Variants in THRAP3 observed in about 807,000 individuals in gnomAD.
THRAP3 encodes the protein thyroid hormone receptor-associated protein 3.
A neutral mutation model predicts 101.0 loss-of-function variants in THRAP3; 16 were observed. The observed-to-expected ratio is 0.16, with a 90% CI of 0.11 to 0.24. THRAP3 has a LOEUF of 0.24. Among genes scored for constraint, THRAP3 ranks in the 10% least tolerant of loss-of-function variants. The probability of loss-of-function intolerance (pLI) is 1.00; values close to 1 mark genes in which losing one functional copy is unlikely to be tolerated. For synonymous variants in THRAP3, 407 were observed against 422.6 expected, an observed-to-expected ratio of 0.96 and a Z score of 0.45; for missense variants, 989 against 1,202.7, an observed-to-expected ratio of 0.82 and a Z score of 2.63.
chr1:36,256,216 ATTG>A (rs1348762135), intron 1 of THRAP3, among the ~76,000 whole-genome samples: 3 of 144,786 alleles, frequency 2.1e-5, no homozygotes, highest in Non-Finnish European at 4.5e-5. Context: ...TATTGTTATT[ATTG>A]TTATTATTAT....
intron 8 of THRAP3, among the ~76,000 whole-genome samples, chr1:36,295,079 C>T (rs1038873095): frequency 2.6e-5 from 4 of 151,920 alleles, no homozygotes; most frequent in African/African-American, 4.8e-5. Context: ...CAAAATTAGC[C>T]GGGTGTGGTA....
the THRAP3 span, among the ~76,000 whole-genome samples, chr1:36,210,093 G>A: frequency 6.6e-6 from 1 of 152,088 alleles, no homozygotes; most frequent in East Asian, 1.9e-4. Flanking sequence ...TTGGCCGGGC[G>A]CAGTGGCTCA....
chr1:36,303,742 C>T (rs1646058691), intron 11 of THRAP3, 54 bp from the exon 12 acceptor site: 10 of 1,611,576 alleles, frequency 6.2e-6, no homozygotes, highest in African/African-American at 1.3e-5. Flanking sequence ...GAGAAGAGAG[C>T]TCTGGCCACA....
At chr1:36,221,917 CT>C (rs1644904676), upstream of THRAP3, among the ~76,000 whole-genome samples, 1 of 151,612 alleles carries the variant, frequency 6.6e-6, no homozygotes, top group Non-Finnish European at 1.5e-5. Context: ...TCAAGCGATT[CT>C]CCTGCCTCAG....
At chr1:36,303,148 A>T (rs1646051738) in intron 11 of THRAP3, among the ~76,000 whole-genome samples, 1 of 131,876 alleles carries the variant, frequency 7.6e-6, no homozygotes. Context: ...ATTTTAGTAG[A>T]GACGGGGTTT....
intron 11 of THRAP3, among the ~76,000 whole-genome samples, chr1:36,303,364 A>T (rs897213127): frequency 2.0e-5 from 3 of 152,098 alleles, no homozygotes; most frequent in Admixed American, 1.3e-4. Flanking sequence ...GAGAGGATAT[A>T]CTAAATCATA....
rs1328256069 is a variant in THRAP3 at position 36,282,524 on chromosome 1, T to G, written c.-31-9T>G. On this transcript the variant is annotated splice_polypyrimidine_tract_variant and intron_variant, in intron 2 of 11. Coordinates refer to ENST00000354618, the MANE Select transcript of THRAP3 (RefSeq NM_005119.4). ...CACTCATTTGTTCTAATGCATTTTC[T>G]TACATTAGGTGTAATTGAAAAGTGA... The G allele has an allele frequency of 4.4e-6, 7 of 1,593,818 alleles. No individual in the cohort carries two copies. Among genetic ancestry groups the G allele is most frequent in the Non-Finnish European group, 6.0e-6 (7 of 1,165,796 alleles).
Position 36,224,658 on chromosome 1 carries a change from G to A in THRAP3, c.-135+153G>A, listed in dbSNP as rs568225404. On this transcript the variant is annotated intron_variant, in intron 1 of 11. Coordinates refer to ENST00000354618, the MANE Select transcript of THRAP3 (RefSeq NM_005119.4). ...CTTACACCCTGGCCTCTTCTGAGCGGGCTCCGTTCCCTCCGGCTCCTCCCC... is the reference window on the plus strand; with the variant it reads ...CTTACACCCTGGCCTCTTCTGAGCGAGCTCCGTTCCCTCCGGCTCCTCCCC... Among the ~76,000 whole-genome samples, 3 of 152,246 alleles carry A rather than the reference G, an allele frequency of 2.0e-5. No homozygotes were observed. The East Asian group carries it at 5.8e-4, about 29-fold the overall frequency.
At chr1:36,245,313 T>C (rs1222744475) in intron 1 of THRAP3, among the ~76,000 whole-genome samples, 1 of 151,744 alleles carries the variant, frequency 6.6e-6, no homozygotes, top group African/African-American at 2.4e-5. Flanking sequence ...ATTACAGGCC[T>C]GCGCCATCAC....
chr1:36,239,837 T>C (rs1645133961), intron 1 of THRAP3, among the ~76,000 whole-genome samples: 1 of 152,222 alleles, frequency 6.6e-6, no homozygotes, highest in African/African-American at 2.4e-5. Context: ...AATCAACTCA[T>C]TTTACTTTTT....
chr1:36,213,808 T>A, the THRAP3 span, among the ~76,000 whole-genome samples: 1 of 148,364 alleles, frequency 6.7e-6, no homozygotes, highest in East Asian at 2.0e-4. Context: ...GATTGCCCCA[T>A]TGCACTCCAG....
At chr1:36,287,800 G>T (rs1221811951) in intron 4 of THRAP3, 1 of 985,322 alleles carries the variant, frequency 1.0e-6, no homozygotes, top group Non-Finnish European at 1.2e-6. Context: ...GTATGTCCCA[G>T]TAGAAGCCAA....
At chr1:36,224,742 C>T (rs1383972484) in intron 1 of THRAP3, among the ~76,000 whole-genome samples, 1 of 152,166 alleles carries the variant, frequency 6.6e-6, no homozygotes, top group Non-Finnish European at 1.5e-5. Flanking sequence ...TCTTGGTCGC[C>T]TTCTCTGCAG....
chr1:36,208,919 G>A, the THRAP3 span, among the ~76,000 whole-genome samples: 7 of 146,846 alleles, frequency 4.8e-5, no homozygotes, highest in African/African-American at 1.3e-4. Flanking sequence ...TGCCTGCCTT[G>A]GCCTCCCAAA....
chr1:36,292,256 C>G (rs142679430), intron 6 of THRAP3, among the ~76,000 whole-genome samples: 7 of 54,554 alleles, frequency 1.3e-4, no homozygotes, highest in Admixed American at 7.3e-4. Flanking sequence ...TAATGTGTTT[C>G]TTTGTTTCTT....
intron 9 of THRAP3, among the ~76,000 whole-genome samples, chr1:36,297,444 ATTTTTT>A: frequency 8.2e-6 from 1 of 122,372 alleles, no homozygotes; most frequent in East Asian, 2.3e-4. Context: ...GCTGGCAAGC[ATTTTTT>A]TTTTTTTTTT....
At chr1:36,235,745 C>T (rs1045649604) in intron 1 of THRAP3, among the ~76,000 whole-genome samples, 3 of 151,980 alleles carry the variant, frequency 2.0e-5, no homozygotes, top group Non-Finnish European at 4.4e-5. Flanking sequence ...TGGACAGGTC[C>T]TTAAAGATAA....
intron 1 of THRAP3, among the ~76,000 whole-genome samples, chr1:36,228,287 G>A (rs997787099): frequency 6.6e-6 from 1 of 151,590 alleles, no homozygotes; most frequent in African/African-American, 2.4e-5. Flanking sequence ...GCATGGTCTC[G>A]GCTCACTGCT....
intron 1 of THRAP3, among the ~76,000 whole-genome samples, chr1:36,250,135 G>A (rs992463520): frequency 3.3e-5 from 5 of 151,608 alleles, no homozygotes; most frequent in African/African-American, 1.2e-4. Context: ...ATATATTATC[G>A]ACATTTCCAA....
Sources: allele counts gnomAD v4.1 joint callset (sites outside exome capture counted in the v4.1 genomes callset), GRCh38; gene constraint gnomAD v4.1.1; transcripts MANE v1.5; gene names NCBI Gene and HGNC (gene_info 2026-07-23, HGNC 2026-07-21).